Variants in ATXN7L1 observed in about 807,000 individuals in gnomAD.
ATXN7L1 encodes the protein ataxin 7 like 1.
A neutral mutation model predicts 70.8 loss-of-function variants in ATXN7L1; 15 were observed. That is an observed-to-expected ratio of 0.21 (90% CI 0.14 to 0.33). The LOEUF is 0.33. ATXN7L1 is among the 10% of genes least tolerant of loss of function. The pLI, the probability that ATXN7L1 is intolerant of heterozygous loss-of-function variation, is 1.00. For synonymous variants in ATXN7L1, 440 were observed against 445.1 expected (o/e 0.99, Z 0.14); for missense variants, 975 against 1,097.1 (o/e 0.89, Z 1.57).
intron 2 of ATXN7L1, among the ~76,000 whole-genome samples, chr7:105,814,664 T>C (rs1300216358): frequency 6.6e-6 from 1 of 152,096 alleles, no homozygotes; most frequent in African/African-American, 2.4e-5. Context: ...TCCTTTAAAA[T>C]ACAAGTGAGG....
intron 3 of ATXN7L1, among the ~76,000 whole-genome samples, chr7:105,705,451 A>G (rs567476392): frequency 2.6e-5 from 4 of 152,332 alleles, no homozygotes; most frequent in Non-Finnish European, 5.9e-5. Flanking sequence ...GGATGTTGGA[A>G]TATATAAGCC....
rs1262197925 is a variant in ATXN7L1 at position 105,605,488 on chromosome 7, G to C, written c.*2364C>G. ...ATTCGATGAGGGTGGGGGGGGGGGT[G>C]GGGGCTCTTTATTCCAGCTTCCAAT... On this transcript the variant is annotated 3_prime_UTR_variant, in exon 12 of 12. Transcript: ENST00000419735. 2 of 38,952 alleles carry C rather than the reference G, an allele frequency of 5.1e-5. No individual in the cohort carries two copies. The highest frequency in any genetic ancestry group is 1.0e-4 in the Non-Finnish European group (2 of 19,660). 2.4% of individuals were successfully genotyped at this position (38,952 alleles called of 1,614,324 possible).
chr7:105,608,771 A>G (rs1346478326), intron 11 of ATXN7L1, among the ~76,000 whole-genome samples: 1 of 152,166 alleles, frequency 6.6e-6, no homozygotes, highest in Non-Finnish European at 1.5e-5. Flanking sequence ...TCTTTACCCA[A>G]ACTCTACCCA....
chr7:105,668,265 A>G (rs1453081843), intron 3 of ATXN7L1, among the ~76,000 whole-genome samples: 1 of 151,952 alleles, frequency 6.6e-6, no homozygotes, highest in Non-Finnish European at 1.5e-5. Context: ...CAGAAAAAAA[A>G]CTCTGTCACC....
intron 3 of ATXN7L1, among the ~76,000 whole-genome samples, chr7:105,728,084 T>C (rs1796124345): frequency 6.6e-6 from 1 of 152,134 alleles, no homozygotes; most frequent in Non-Finnish European, 1.5e-5. Flanking sequence ...GTGAATTTAT[T>C]ATCTAGCTGG....
intron 2 of ATXN7L1, among the ~76,000 whole-genome samples, chr7:105,807,827 C>T (rs1025907418): frequency 4.6e-5 from 7 of 152,188 alleles, no homozygotes; most frequent in African/African-American, 9.7e-5. Flanking sequence ...GCCTGGGCTG[C>T]GCTATCCGCA....
At chr7:105,611,095 A>T (rs1793108569) in intron 10 of ATXN7L1, among the ~76,000 whole-genome samples, 1 of 152,248 alleles carries the variant, frequency 6.6e-6, no homozygotes, top group Admixed American at 6.5e-5. Context: ...TAGGAGATGT[A>T]ACGCACACGC....
intron 6 of ATXN7L1, 51 bp from the exon 7 acceptor site, chr7:105,638,660 C>A (rs1352415933): frequency 2.0e-6 from 3 of 1,489,260 alleles, no homozygotes; most frequent in Non-Finnish European, 2.7e-6. Flanking sequence ...GCACATAAAC[C>A]TGCTTCCCCA....
At chr7:105,825,522 G>A (rs1479400387) in intron 2 of ATXN7L1, among the ~76,000 whole-genome samples, 1 of 151,364 alleles carries the variant, frequency 6.6e-6, no homozygotes, top group African/African-American at 2.4e-5. Context: ...AAAACCATGA[G>A]GCAATAATTT....
intron 3 of ATXN7L1, among the ~76,000 whole-genome samples, chr7:105,707,758 TCTAA>T (rs1793366054): frequency 6.6e-6 from 1 of 152,162 alleles, no homozygotes; most frequent in Non-Finnish European, 1.5e-5. Context: ...GGGGAGAGGC[TCTAA>T]AACAAGCCCA....
intron 2 of ATXN7L1, among the ~76,000 whole-genome samples, chr7:105,853,979 T>C (rs1208583111): frequency 6.6e-6 from 1 of 152,080 alleles, no homozygotes; most frequent in Non-Finnish European, 1.5e-5. Context: ...CTAACATCTG[T>C]GGACACGCGG....
chr7:105,790,288 T>C (rs372257340), intron 2 of ATXN7L1, among the ~76,000 whole-genome samples: 1 of 152,196 alleles, frequency 6.6e-6, no homozygotes, highest in South Asian at 2.1e-4. Context: ...ACACTTTAAA[T>C]GGTGAACTGT....
chr7:105,610,503 C>T (rs1793049573), intron 11 of ATXN7L1, 26 bp downstream of exon 11: 2 of 942,074 alleles, frequency 2.1e-6, no homozygotes, highest in African/African-American at 1.7e-5. Context: ...TGAATTTTTG[C>T]CCCACCCCCA....
chr7:105,628,753 A>T (rs987966619), intron 7 of ATXN7L1, among the ~76,000 whole-genome samples: 6 of 151,904 alleles, frequency 3.9e-5, no homozygotes, highest in African/African-American at 1.2e-4. Flanking sequence ...AGATCGCGCC[A>T]CTGTACTCCA....
intron 2 of ATXN7L1, among the ~76,000 whole-genome samples, chr7:105,863,247 T>C (rs552013765): frequency 9.8e-5 from 15 of 152,292 alleles, no homozygotes; most frequent in South Asian, 2.1e-4. Flanking sequence ...TTGCATTAGC[T>C]CCTGTGATTT....
intron 8 of ATXN7L1, among the ~76,000 whole-genome samples, chr7:105,622,845 A>C (rs753153977): frequency 1.3e-5 from 2 of 152,158 alleles, no homozygotes; most frequent in Non-Finnish European, 2.9e-5. Flanking sequence ...GTAGCACACC[A>C]CTGGGTGAGG....
intron 2 of ATXN7L1, chr7:105,819,754 C>T: frequency 1.4e-6 from 1 of 732,254 alleles, no homozygotes; most frequent in Non-Finnish European, 2.5e-6. Context: ...AGGCATGTTG[C>T]CCCACAAGAC....
At chr7:105,742,440 A>G (rs916153695) in intron 3 of ATXN7L1, among the ~76,000 whole-genome samples, 6 of 152,288 alleles carry the variant, frequency 3.9e-5, no homozygotes, top group African/African-American at 7.2e-5. Context: ...AATCCACCCA[A>G]TTTTCACAAC....
At chr7:105,790,654 C>CATCTATCTACT (rs987864161) in intron 2 of ATXN7L1, among the ~76,000 whole-genome samples, 6 of 104,890 alleles carry the variant, frequency 5.7e-5, no homozygotes, top group Admixed American at 4.1e-4. Flanking sequence ...ATCTATCTAT[C>CATCTATCTACT]ATCTATCTAC....
Sources: allele counts gnomAD v4.1 joint callset (sites outside exome capture counted in the v4.1 genomes callset), GRCh38; gene constraint gnomAD v4.1.1; transcripts MANE v1.5; gene names NCBI Gene and HGNC (gene_info 2026-07-23, HGNC 2026-07-21).